The following HCFC1 variants were observed in gnomAD, a reference collection of about 807,000 sequenced individuals.
HCFC1 encodes the protein host cell factor C1.
A neutral mutation model predicts 105.5 loss-of-function variants in HCFC1; 7 were observed. The observed-to-expected ratio is 0.07, with a 90% CI of 0.04 to 0.12. HCFC1 has a LOEUF of 0.12. Ranked by LOEUF, HCFC1 falls within the 10% of genes least tolerant of loss-of-function variation. The pLI is 1.00. For missense variants in HCFC1, 1,065 were observed against 1,823.6 expected, an observed-to-expected ratio of 0.58 and a Z score of 7.58; for synonymous variants, 918 against 828.1, an observed-to-expected ratio of 1.11 and a Z score of -1.86.
Position 153,959,826 on chromosome X carries a change from CAGA to C in HCFC1, c.1417_1419del (p.Ser473del). ...CCTTGAGTCCTGGCTGCGGTGGGCA[CAGA>C]AATGGAGCTGCCAGGCACCGTTGGC... On this transcript the variant is annotated inframe_deletion, in exon 8 of 26. Coordinates refer to ENST00000310441, the MANE Select transcript of HCFC1 (RefSeq NM_005334.3). 1 of 1,175,348 alleles carries C rather than the reference CAGA, an allele frequency of 8.5e-7. No homozygotes were observed.
intron 22 of HCFC1, among the ~76,000 whole-genome samples, 160 bp downstream of exon 22, chrX:153,951,190 C>T: frequency 8.9e-6 from 1 of 111,854 alleles, no homozygotes; most frequent in Non-Finnish European, 1.9e-5. Flanking sequence ...CAAAGCTCTC[C>T]TTTTCTACTG....
rs782395790 is a variant in HCFC1 at position 153,953,646 on chromosome X, G to C, written c.4458C>G (p.Thr1486=). 8.3e-7 allele frequency: 1 copy of C among 1,210,844 alleles called. No individual in the cohort carries two copies. The highest frequency in any genetic ancestry group is 1.1e-6 in the Non-Finnish European group (1 of 895,263). ...CCGGGACCGGTGTGGACTGCGTCAC[G>C]GTGGTCACAGCCCGCGTCAGTGTGG... The part of the protein sequence containing the change: ...VSSTLTRAVT[T]VTQSTPVPGP... The change falls in exon 18 of 26, where the codon ACC becomes ACG. Residue 1486 remains threonine (T), a synonymous_variant. Transcript: ENST00000310441.
rs2065458502 is a variant in HCFC1 at position 153,964,605 on chromosome X, T to C, written c.315A>G (p.Lys105=). Residue 105 remains lysine, a synonymous_variant, in exon 2 of 26, where the codon AAA becomes AAG. Transcript: ENST00000310441. The stretch of plus-strand genomic sequence containing the variant: ...GGAGTTCGTAGAGGTCATTGCTGTA[T>C]TTCCCATACTCCACCATCCCACCAA... ...LVFGGMVEYG[K]YSNDLYELQA... is the part of the protein sequence containing the mutation. 8.3e-7 allele frequency: 1 copy of C among 1,202,501 alleles called. No individual in the cohort carries two copies. Among genetic ancestry groups the C allele is most frequent in the Admixed American group, 2.2e-5 (1 of 44,954 alleles).
At chrX:153,957,107 G>A (rs2065384443) in intron 13 of HCFC1, 47 bp from the exon 14 acceptor site, 1 of 1,152,152 alleles carries the variant, frequency 8.7e-7, no homozygotes, top group African/African-American at 1.8e-5. Flanking sequence ...TGTGAGGGCT[G>A]CCCCTGCTGC....
Position 153,960,229 on chromosome X carries a change from G to C in HCFC1, c.1084+6C>G. 1 of 1,189,930 alleles carries C rather than the reference G, an allele frequency of 8.4e-7. No individual in the cohort carries two copies. Among genetic ancestry groups the C allele is most frequent in the Non-Finnish European group, 1.1e-6 (1 of 883,279 alleles). ...GGAGGAGGGGAGTCGGCTGGGCCGG[G>C]CCTACCTGTCTCTAGGTACCAGAGG... On this transcript the variant is annotated splice_donor_region_variant and intron_variant, in intron 7 of 25. Coordinates refer to ENST00000310441, the MANE Select transcript of HCFC1 (RefSeq NM_005334.3).
Position 153,956,426 on chromosome X carries a change from G to T in HCFC1, c.2636-15C>A. 1 of 1,195,095 alleles carries T rather than the reference G, an allele frequency of 8.4e-7. No individual in the cohort carries two copies. Among genetic ancestry groups the T allele is most frequent in the Middle Eastern group, 2.3e-4 (1 of 4,291 alleles). ...GGTCGTGACACCTGAAGGAAAGGAG[G>T]CAAGAGTTGGGCCAAGGCTGCTGCT... is the stretch of plus-strand genomic sequence containing the variant. On this transcript the variant is annotated splice_polypyrimidine_tract_variant and intron_variant, in intron 15 of 25. Transcript: ENST00000310441.
intron 18 of HCFC1, chrX:153,953,234 G>A (rs2065332597): frequency 4.5e-6 from 2 of 439,572 alleles, no homozygotes; most frequent in Non-Finnish European, 7.9e-6. Context: ...ATGTTAAATA[G>A]GGAGGGGACA....
chrX:153,964,531 G>A (rs1354293914), intron 2 of HCFC1, 47 bp downstream of exon 2: 11 of 1,154,172 alleles, frequency 9.5e-6, no homozygotes, highest in Non-Finnish European at 1.3e-5. Flanking sequence ...CTACCGTCAG[G>A]TCACATGGGG....
intron 16 of HCFC1, 56 bp downstream of exon 16, chrX:153,956,135 G>A (rs781911199): frequency 9.6e-5 from 103 of 1,068,376 alleles, no homozygotes; most frequent in Non-Finnish European, 1.3e-4. Flanking sequence ...TGAGCCTCAC[G>A]TGCTTCCACT....
At position 153,954,265 on chromosome X, in the gene HCFC1, G is replaced by A. The variant is rs782207649; in HGVS notation, c.4134C>T (p.Pro1378=). Reference sequence around the variant, plus strand: ...CGGTCCTGTGGGAAGAAGTGGCGTCGGGAAGCAGGGCACCCACGCTGACCG... The same window carrying A: ...CGGTCCTGTGGGAAGAAGTGGCGTCAGGAAGCAGGGCACCCACGCTGACCG... ...TMSVSVGALL[P]DATSSHRTVE... The change falls in exon 17 of 26, where the codon CCC becomes CCT. Residue 1378 remains proline, a synonymous_variant. Coordinates refer to ENST00000310441, the MANE Select transcript of HCFC1 (RefSeq NM_005334.3). 1.2e-5 allele frequency: 14 copies of A among 1,202,321 alleles called. No homozygotes were observed. Among genetic ancestry groups the A allele is most frequent in the African/African-American group, 3.5e-5 (2 of 57,332 alleles).
In HCFC1 at chrX:153,947,765, C is replaced by A. The variant is rs1173921337; in HGVS notation, c.*1582G>T. ...TGACTAAACGTGACATTTTCCACAGCGAAATATACTATAATACAACAAACC... is the reference window on the plus strand; with the variant it reads ...TGACTAAACGTGACATTTTCCACAGAGAAATATACTATAATACAACAAACC... On this transcript the variant is annotated 3_prime_UTR_variant, in exon 26 of 26. Transcript: ENST00000310441. 1 of 110,829 alleles carries A rather than the reference C, an allele frequency of 9.0e-6. No homozygotes were observed. Among genetic ancestry groups the A allele is most frequent in the Non-Finnish European group, 1.9e-5 (1 of 52,873 alleles). The allele number at this position is 110,829 out of a possible 1,213,427, so 9.1% of individuals were successfully genotyped here. A position where few individuals can be genotyped will look rare whatever the true frequency, so the allele number is the denominator to read the frequency against.
At chrX:153,949,528 T>A in intron 25 of HCFC1, 25 bp downstream of exon 25, 1 of 1,200,838 alleles carries the variant, frequency 8.3e-7, no homozygotes, top group Non-Finnish European at 1.1e-6. Context: ...TCTCAGAAGG[T>A]TCCCGAGAGG....
At position 153,964,762 on chromosome X, in the gene HCFC1, G is replaced by A. The variant is rs782644611; in HGVS notation, c.194-36C>T. The A allele has an allele frequency of 2.9e-5, 32 of 1,118,177 alleles. No homozygotes were observed. The East Asian group carries it at 6.3e-4, about 22-fold the overall frequency. 92.2% of individuals were successfully genotyped at this position (1,118,177 alleles called of 1,213,427 possible). ...GAAGGAGGCAGAAGTCAGAACACCC[G>A]GGAGCCCCCATTCCTCTCATTCCCC... On this transcript the variant is annotated intron_variant, in intron 1 of 25. Transcript: ENST00000310441.
At chrX:153,960,869 G>A (rs181014234) in intron 6 of HCFC1, among the ~76,000 whole-genome samples, 22 of 112,950 alleles carry the variant, frequency 1.9e-4, no homozygotes, top group Non-Finnish European at 3.7e-4. Context: ...CACCCATCAG[G>A]CTTGGCAAAG....
Position 153,947,571 on chromosome X carries a change from G to C in HCFC1, c.*1776C>G, listed in dbSNP as rs1229468037. On this transcript the variant is annotated 3_prime_UTR_variant, in exon 26 of 26. Transcript: ENST00000310441. ...ACACCTAGTGGTTATTTCAAAAAAAGTCTTTTAATTGTTCAAAATAGCACA... is the reference window on the plus strand; with the variant it reads ...ACACCTAGTGGTTATTTCAAAAAAACTCTTTTAATTGTTCAAAATAGCACA... 1.8e-5 allele frequency: 2 copies of C among 112,552 alleles called. No individual in the cohort carries two copies. Among genetic ancestry groups the C allele is most frequent in the African/African-American group, 6.5e-5 (2 of 30,927 alleles). 9.3% of individuals were successfully genotyped at this position (112,552 alleles called of 1,213,427 possible). A position where few individuals can be genotyped will look rare whatever the true frequency, so the allele number is the denominator to read the frequency against.
chrX:153,961,761 C>A, intron 5 of HCFC1, 113 bp from the exon 6 acceptor site: 1 of 555,613 alleles, frequency 1.8e-6, no homozygotes, highest in Non-Finnish European at 3.0e-6. Context: ...CCAGGAGAGT[C>A]CCCAAGGATG....
chrX:153,953,578 G>C, intron 18 of HCFC1, 29 bp downstream of exon 18: 4 of 1,196,077 alleles, frequency 3.3e-6, no homozygotes, highest in Non-Finnish European at 4.5e-6. Context: ...CGGGAAGGCG[G>C]GGAAGAACAC....
In HCFC1 at chrX:153,953,750, C is replaced by T. The variant is rs782354389; in HGVS notation, c.4354G>A (p.Asp1452Asn). Residue 1452 changes from aspartate (D) to asparagine (N), a missense_variant, in exon 18 of 26, where the codon GAT becomes AAT. Around this residue, in one of 17 missense-constraint regions of HCFC1, gnomAD observed 546 missense variants for 599.9 expected, o/e 0.91. Transcript: ENST00000310441. ...TGGGTGCTCTCCACCTCTCCCTGAT[C>T]GCTGGCAGCAGGTGGGGGGTCTGTG... ...SNQDPPPAAS[D>N]QGEVESTQGD... 13 of 1,206,844 alleles carry T rather than the reference C, an allele frequency of 1.1e-5. No individual in the cohort carries two copies. The highest frequency in any genetic ancestry group is 7.1e-5 in the South Asian group (4 of 56,405).
chrX:153,971,384 C>T lies in HCFC1; in HGVS notation c.-544G>A, dbSNP rs1474769086. The stretch of plus-strand genomic sequence containing the variant: ...CCGCCATCTTGAGACCGTCCCGCTT[C>T]CCCGCCCAGCGCCTTAGTGCAGCCG... On this transcript the variant is annotated 5_prime_UTR_variant, in exon 1 of 26. Transcript: ENST00000310441. 1.7e-5 allele frequency: 5 copies of T among 293,719 alleles called. No homozygotes were observed. The highest frequency in any genetic ancestry group is 1.4e-4 in the African/African-American group (5 of 36,285). The allele number at this position is 293,719 out of a possible 1,213,427, so 24.2% of individuals were successfully genotyped here. A position where few individuals can be genotyped will look rare whatever the true frequency, so the allele number is the denominator to read the frequency against.
Sources: allele counts gnomAD v4.1 joint callset (sites outside exome capture counted in the v4.1 genomes callset), GRCh38; gene constraint gnomAD v4.1.1; regional missense constraint gnomAD v4.1.1; transcripts MANE v1.5; gene names NCBI Gene and HGNC (gene_info 2026-07-23, HGNC 2026-07-21).